The following ALPK2 variants were observed in gnomAD, a reference collection of about 807,000 sequenced individuals.
ALPK2 encodes alpha kinase 2.
Under a neutral mutation model 163.1 loss-of-function variants are expected in ALPK2, and 127 were observed. The observed-to-expected ratio is 0.78, with a 90% confidence interval of 0.67 to 0.90. The LOEUF (loss-of-function observed/expected upper bound fraction) is 0.90, where lower values mean the gene tolerates loss of function less well. Among genes scored for constraint, ALPK2 ranks in the 40% least tolerant of loss-of-function variants. ALPK2 has a pLI of 0.00. For missense variants in ALPK2, 2,360 were observed against 2,589.6 expected, an observed-to-expected ratio of 0.91 and a Z score of 1.92; for synonymous variants, 953 against 959.1, an observed-to-expected ratio of 0.99 and a Z score of 0.12.
Position 58,580,088 on chromosome 18 carries a change from A to G in ALPK2, c.688T>C (p.Cys230Arg), listed in dbSNP as rs1367177100. 5 of 1,614,164 alleles carry G rather than the reference A, an allele frequency of 3.1e-6. No homozygotes were observed. In the African/African-American group the frequency reaches 5.3e-5, roughly 17 times the overall value. ...SSHIYEKQDR[C>R]CHKTVHSMAS... is the part of the protein sequence containing the mutation. ...ATGGAATGCACTGTCTTGTGGCAAC[A>G]TCTGTCTTGTTTTTCATAAATATGA... is the stretch of plus-strand genomic sequence containing the variant. Residue 230 changes from cysteine (C) to arginine (R), a missense_variant, in exon 4 of 13, where the codon TGT becomes CGT. Physicochemically the swap from Cys to Arg is radical, Grantham distance 180. Transcript: ENST00000361673.
At chr18:58,583,712 T>C (rs1190331106) in intron 3 of ALPK2, among the ~76,000 whole-genome samples, 1 of 138,304 alleles carries the variant, frequency 7.2e-6, no homozygotes, top group East Asian at 2.0e-4. Context: ...TACTCCAGCC[T>C]GGATGGCAGA....
At position 58,546,549 on chromosome 18, in the gene ALPK2, C is replaced by T. The variant is rs140899358; in HGVS notation, c.1963-8325G>A. Among the ~76,000 whole-genome samples the T allele has an allele frequency of 3.8e-3, 581 of 152,288 alleles. 2 individuals carry two copies. The highest frequency in any genetic ancestry group is 0.013 in the African/African-American group (557 of 41,564). On this transcript the variant is annotated intron_variant, in intron 4 of 12. Transcript: ENST00000361673. Reference sequence around the variant, plus strand: ...TAATCCCTACAGCCTTTTTAACACACGGCAGGCACTGTTCTAACTGCTTTA... The same window carrying T: ...TAATCCCTACAGCCTTTTTAACACATGGCAGGCACTGTTCTAACTGCTTTA...
At chr18:58,614,533 A>G (rs750117752) in intron 1 of ALPK2, among the ~76,000 whole-genome samples, 4 of 152,236 alleles carry the variant, frequency 2.6e-5, no homozygotes, top group Non-Finnish European at 4.4e-5. Context: ...CTAGATAGCA[A>G]ATAAATACCT....
At chr18:58,541,724 G>A (rs1021736279) in intron 4 of ALPK2, among the ~76,000 whole-genome samples, 14 of 152,208 alleles carry the variant, frequency 9.2e-5, no homozygotes, top group African/African-American at 3.4e-4. Context: ...CAACTGGCCC[G>A]CTGCTGATAA....
chr18:58,498,143 C>A (rs750365560), intron 11 of ALPK2, 46 bp from the exon 12 acceptor site: 2 of 1,603,722 alleles, frequency 1.2e-6, no homozygotes, highest in Admixed American at 3.3e-5. Flanking sequence ...TACTCAGGGC[C>A]CCTCAGGAAG....
intron 4 of ALPK2, among the ~76,000 whole-genome samples, chr18:58,565,770 C>CTTT (rs1568087057): frequency 2.5e-5 from 2 of 80,658 alleles, no homozygotes; most frequent in South Asian, 3.8e-4. Flanking sequence ...TTCCTTCCTT[C>CTTT]CTTTCTTTCT....
At chr18:58,532,685 C>G (rs1225466160) in intron 5 of ALPK2, among the ~76,000 whole-genome samples, 2 of 152,138 alleles carry the variant, frequency 1.3e-5, no homozygotes, top group East Asian at 3.8e-4. Flanking sequence ...TTTAAAAACA[C>G]TAATTTAAAA....
chr18:58,513,601 G>A (rs548557448), intron 10 of ALPK2, among the ~76,000 whole-genome samples: 2 of 152,258 alleles, frequency 1.3e-5, no homozygotes, highest in Admixed American at 1.3e-4. Context: ...AATTTGCCAG[G>A]CATGGTGGCT....
intron 12 of ALPK2, among the ~76,000 whole-genome samples, chr18:58,492,536 C>T (rs1371163798): frequency 6.6e-6 from 1 of 152,216 alleles, no homozygotes; most frequent in Non-Finnish European, 1.5e-5. Flanking sequence ...CACCCCAACC[C>T]TCTCAGCCAT....
chr18:58,556,516 T>C (rs9961631), intron 4 of ALPK2, among the ~76,000 whole-genome samples: 11,692 of 151,640 alleles, frequency 0.077, 1,490 homozygotes, highest in African/African-American at 0.27. Flanking sequence ...CCAGGCACCG[T>C]GCATTTCTAC....
chr18:58,613,705 AAAAAATAATAATAATAAT>A (rs1187987541), intron 1 of ALPK2, among the ~76,000 whole-genome samples: 2 of 83,648 alleles, frequency 2.4e-5, no homozygotes, highest in Non-Finnish European at 4.2e-5. Context: ...TCTCAAAAAA[AAAAAATAATAATAATAAT>A]AATAATAATA....
intron 8 of ALPK2, among the ~76,000 whole-genome samples, chr18:58,522,808 T>C (rs1348974787): frequency 2.0e-5 from 3 of 152,184 alleles, no homozygotes; most frequent in Non-Finnish European, 4.4e-5. Flanking sequence ...TGCTACAGTG[T>C]AGCATCCAAT....
chr18:58,604,027 G>A (rs1233390248), intron 3 of ALPK2, among the ~76,000 whole-genome samples: 1 of 152,158 alleles, frequency 6.6e-6, no homozygotes, highest in East Asian at 1.9e-4. Flanking sequence ...GACAGCATGA[G>A]GAGGAGAATG....
chr18:58,499,712 C>T (rs1250630483), intron 11 of ALPK2, among the ~76,000 whole-genome samples: 1 of 152,268 alleles, frequency 6.6e-6, no homozygotes, highest in Non-Finnish European at 1.5e-5. Context: ...GGTCCTGCCT[C>T]CTGTGCTCTT....
In ALPK2 at chr18:58,519,180, C is replaced by T. The variant is rs569331160; in HGVS notation, c.5666-1998G>A. ...GGGTCACAGATTTTACTCTAAGTAA[C>T]GGAACCAGGAAAAAAATTAATTGAT... On this transcript the variant is annotated intron_variant, in intron 8 of 12. Coordinates refer to ENST00000361673, the MANE Select transcript of ALPK2 (RefSeq NM_052947.4). Among the ~76,000 whole-genome samples, 6 of 152,148 alleles carry T rather than the reference C, an allele frequency of 3.9e-5. No individual in the cohort carries two copies. The East Asian group carries it at 5.8e-4, about 15-fold the overall frequency.
At chr18:58,504,877 G>A (rs9949893) in intron 10 of ALPK2, among the ~76,000 whole-genome samples, 14,903 of 152,064 alleles carry the variant, frequency 0.098, 833 homozygotes, top group East Asian at 0.22. Flanking sequence ...GGACATCGAC[G>A]GTAGAGCATT....
chr18:58,602,578 T>G (rs1380785341), intron 3 of ALPK2, among the ~76,000 whole-genome samples: 1 of 152,164 alleles, frequency 6.6e-6, no homozygotes, highest in Non-Finnish European at 1.5e-5. Context: ...TCTGTGTGTG[T>G]CTCTGTGGCT....
intron 6 of ALPK2, 136 bp downstream of exon 6, chr18:58,528,955 T>A (rs2051597773): frequency 3.8e-6 from 4 of 1,064,254 alleles, no homozygotes; most frequent in Non-Finnish European, 4.2e-6. Context: ...TAGTCTTTTT[T>A]AATATTGTGG....
intron 4 of ALPK2, among the ~76,000 whole-genome samples, chr18:58,573,668 CAG>C (rs1168604393): frequency 1.2e-5 from 1 of 86,620 alleles, no homozygotes; most frequent in Non-Finnish European, 2.1e-5. Context: ...GGGTGTTTCT[CAG>C]AGAGGGGGAT....
Sources: gnomAD v4.1 joint callset for allele counts (sites outside exome capture counted in the v4.1 genomes callset) on GRCh38, gnomAD v4.1.1 for gene constraint, MANE v1.5 for transcripts, NCBI Gene and HGNC (gene_info 2026-07-23, HGNC 2026-07-21) for gene names.